The following KCND3 variants were observed in gnomAD, a reference collection of about 807,000 sequenced individuals.
KCND3 encodes potassium voltage-gated channel subfamily D member 3.
KCND3 carries 9 observed loss-of-function variants against 51.1 expected under a neutral mutation model. That is an observed-to-expected ratio of 0.18 (90% CI 0.11 to 0.31). KCND3 has a LOEUF of 0.31. Ranked by LOEUF, KCND3 falls within the 10% of genes least tolerant of loss-of-function variation. KCND3 has a pLI of 1.00. For missense variants in KCND3, 526 were observed against 903.8 expected (o/e 0.58, Z 5.36); for synonymous variants, 349 against 368.0 (o/e 0.95, Z 0.59).
chr1:111,899,628 C>T (rs1363258953), intron 2 of KCND3, among the ~76,000 whole-genome samples: 2 of 152,212 alleles, frequency 1.3e-5, no homozygotes, highest in African/African-American at 4.8e-5. Flanking sequence ...TCTAGACCAC[C>T]CCTTAAAAGT....
At chr1:111,960,957 C>T (rs1673618960) in intron 2 of KCND3, among the ~76,000 whole-genome samples, 1 of 152,178 alleles carries the variant, frequency 6.6e-6, no homozygotes, top group Non-Finnish European at 1.5e-5. Flanking sequence ...GGGAAGACCT[C>T]TCTTGGTGGT....
rs755642943 is a variant in KCND3 at position 111,777,117 on chromosome 1, T to C, written c.1675A>G (p.Asn559Asp). ...RRSKKTTHLP[N>D]SNLPATRLRS... ...AGGCGAGTAGCTGGCAGGTTAGAATTGGGCAGGTGTGTGGTCTTCTTACTA... is the reference window on the plus strand; with the variant it reads ...AGGCGAGTAGCTGGCAGGTTAGAATCGGGCAGGTGTGTGGTCTTCTTACTA... Residue 559 changes from asparagine (N) to aspartate (D), a missense_variant, in exon 7 of 8, where the codon AAT becomes GAT. Around this residue, in one of 5 missense-constraint regions of KCND3, gnomAD observed 266 missense variants for 305.5 expected, o/e 0.87. Transcript: ENST00000302127. The C allele has an allele frequency of 1.2e-6, 2 of 1,614,062 alleles. No individual in the cohort carries two copies. The highest frequency in any genetic ancestry group is 3.3e-5 in the Admixed American group (2 of 60,014).
intron 2 of KCND3, among the ~76,000 whole-genome samples, chr1:111,917,569 T>C (rs985337675): frequency 1.3e-5 from 2 of 152,174 alleles, no homozygotes; most frequent in Non-Finnish European, 2.9e-5. Flanking sequence ...CAGACGCTCA[T>C]GCCCATGTAG....
intron 2 of KCND3, among the ~76,000 whole-genome samples, chr1:111,875,751 G>A (rs1006909267): frequency 1.5e-4 from 23 of 152,178 alleles, no homozygotes; most frequent in Admixed American, 6.5e-4. Flanking sequence ...CCCTGGACTC[G>A]GGGCCTCCAG....
intron 2 of KCND3, among the ~76,000 whole-genome samples, chr1:111,854,345 G>A (rs4839178): frequency 0.1 from 15,773 of 152,266 alleles, 1,325 homozygotes; most frequent in East Asian, 0.41. Flanking sequence ...TGTGAAATCT[G>A]GCACCCAAGC....
At chr1:111,988,652 G>C (rs1420448122) in intron 1 of KCND3, 4 of 152,244 alleles carry the variant, frequency 2.6e-5, no homozygotes, top group South Asian at 2.1e-4. Context: ...GTACATTCAT[G>C]CAAAATACAG....
At chr1:111,853,654 T>A (rs1333740790) in intron 2 of KCND3, 1 of 152,254 alleles carries the variant, frequency 6.6e-6, no homozygotes, top group Non-Finnish European at 1.5e-5. Flanking sequence ...CATTCCTGTG[T>A]CCCCACCCCT....
At chr1:111,881,317 CCAGA>C (rs1470795429) in intron 2 of KCND3, among the ~76,000 whole-genome samples, 1 of 152,218 alleles carries the variant, frequency 6.6e-6, no homozygotes, top group Non-Finnish European at 1.5e-5. Context: ...CTCTCTCCCA[CCAGA>C]CAGAGCAAAG....
intron 2 of KCND3, among the ~76,000 whole-genome samples, chr1:111,886,302 C>G (rs530218410): frequency 2.4e-4 from 37 of 152,256 alleles, no homozygotes; most frequent in South Asian, 1.2e-3. Flanking sequence ...GCAGGTCAGA[C>G]CAAATTCAGC....
At chr1:111,867,733 T>A (rs1161224379) in intron 2 of KCND3, among the ~76,000 whole-genome samples, 1 of 152,218 alleles carries the variant, frequency 6.6e-6, no homozygotes, top group Non-Finnish European at 1.5e-5. Flanking sequence ...AAGGAAAGCA[T>A]GGCAGGCACC....
intron 2 of KCND3, among the ~76,000 whole-genome samples, chr1:111,867,306 G>C (rs1571766188): frequency 6.6e-6 from 1 of 152,038 alleles, no homozygotes; most frequent in African/African-American, 2.4e-5. Context: ...GGTGCTCAAT[G>C]TGTGTTTGTG....
intron 2 of KCND3, among the ~76,000 whole-genome samples, chr1:111,969,545 A>G (rs1300625226): frequency 6.6e-6 from 1 of 152,238 alleles, no homozygotes; most frequent in African/African-American, 2.4e-5. Context: ...CCTCAGCTAC[A>G]AAACACAGAT....
chr1:111,844,831 G>C (rs530001843), intron 2 of KCND3, among the ~76,000 whole-genome samples: 2 of 152,238 alleles, frequency 1.3e-5, no homozygotes, highest in African/African-American at 4.8e-5. Context: ...GGTACACCCA[G>C]CATCTTGGTC....
chr1:111,897,300 C>A (rs1296222571), intron 2 of KCND3, among the ~76,000 whole-genome samples: 1 of 152,222 alleles, frequency 6.6e-6, no homozygotes, highest in African/African-American at 2.4e-5. Flanking sequence ...AGGGAATCTT[C>A]CCCACCCTCT....
At chr1:111,795,684 T>C (rs1260899128) in intron 2 of KCND3, among the ~76,000 whole-genome samples, 1 of 152,214 alleles carries the variant, frequency 6.6e-6, no homozygotes, top group Non-Finnish European at 1.5e-5. Context: ...CGATTTATAA[T>C]CCTTTGGGTA....
At chr1:111,929,951 A>G (rs904669431) in intron 2 of KCND3, among the ~76,000 whole-genome samples, 1 of 152,324 alleles carries the variant, frequency 6.6e-6, no homozygotes, top group Non-Finnish European at 1.5e-5. Flanking sequence ...CCTGCACCCA[A>G]TTAAAGTAAC....
chr1:111,951,441 T>C (rs1294672958), intron 2 of KCND3, among the ~76,000 whole-genome samples: 1 of 152,168 alleles, frequency 6.6e-6, no homozygotes, highest in Non-Finnish European at 1.5e-5. Context: ...AATTGGGAAC[T>C]GCTTATAATC....
intron 2 of KCND3, among the ~76,000 whole-genome samples, chr1:111,856,565 AG>A (rs1160381672): frequency 6.6e-6 from 1 of 152,182 alleles, no homozygotes; most frequent in African/African-American, 2.4e-5. Flanking sequence ...CCCTCAGGCC[AG>A]ACCCCCCCTT....
chr1:111,798,614 G>C (rs905129935), intron 2 of KCND3, among the ~76,000 whole-genome samples: 10 of 151,754 alleles, frequency 6.6e-5, no homozygotes, highest in African/African-American at 2.4e-4. Flanking sequence ...TGTGTTCCAT[G>C]GACTGGACTG....
Sources: gnomAD v4.1 joint callset for allele counts (sites outside exome capture counted in the v4.1 genomes callset) on GRCh38, gnomAD v4.1.1 for gene constraint, gnomAD v4.1.1 regional missense constraint, MANE v1.5 for transcripts, NCBI Gene and HGNC (gene_info 2026-07-23, HGNC 2026-07-21) for gene names.